ZSCAN32: variants seen among roughly 807,000 people sequenced by gnomAD.
ZSCAN32 encodes zinc finger and SCAN domain containing 32.
Under a neutral mutation model 47.4 loss-of-function variants are expected in ZSCAN32, and 52 were observed. The ratio of observed to expected loss-of-function variants is 1.10; its 90% CI spans 0.88 to 1.38. The LOEUF (loss-of-function observed/expected upper bound fraction) is 1.38. Ranked by LOEUF, ZSCAN32 falls within the 40% of genes most tolerant of loss-of-function variation. The pLI is 0.00. For synonymous variants in ZSCAN32, 346 were observed against 305.7 expected (o/e 1.13, Z -1.38); for missense variants, 959 against 846.0 (o/e 1.13, Z -1.66).
intron 3 of ZSCAN32, among the ~76,000 whole-genome samples, chr16:3,393,218 ATATATATATAAATT>A (rs2032984125): frequency 1.0e-4 from 2 of 19,150 alleles, no homozygotes; most frequent in African/African-American, 8.0e-4. Context: ...TTATATATAT[ATATATATATAAATT>A]TATATATTTT....
At position 3,383,032 on chromosome 16, in the gene ZSCAN32, A is replaced by G; in HGVS notation, c.1914T>C (p.Cys638=). 6.2e-7 allele frequency: 1 copy of G among 1,613,922 alleles called. No individual in the cohort carries two copies. Among genetic ancestry groups the G allele is most frequent in the Non-Finnish European group, 8.5e-7 (1 of 1,179,936 alleles). ...TGESPYKCAV[C]GKIFNNSSHF... ...GGGAGCTATTGTTGAAGATTTTCCC[A>G]CACACTGCACACTTGTATGGGCTCT... Residue 638 remains cysteine (C), a synonymous_variant, in exon 7 of 7, where the codon TGT becomes TGC. Transcript: ENST00000396852.
At chr16:3,390,819 A>G (rs1465612878) in intron 3 of ZSCAN32, among the ~76,000 whole-genome samples, 2 of 152,164 alleles carry the variant, frequency 1.3e-5, no homozygotes, top group Non-Finnish European at 2.9e-5. Flanking sequence ...TCCTCTTGGC[A>G]TAAGAGCTTT....
In ZSCAN32 at chr16:3,382,147, AGTT is replaced by A. The variant is rs1259972147; in HGVS notation, c.*702_*704del. 6.6e-6 allele frequency: 1 copy of A among 152,246 alleles called. No homozygotes were observed. The highest frequency in any genetic ancestry group is 2.4e-5 in the African/African-American group (1 of 41,460). The allele number at this position is 152,246 out of a possible 1,614,324, so 9.4% of individuals were successfully genotyped here. A position where few individuals can be genotyped will look rare whatever the true frequency, so the allele number is the denominator to read the frequency against. ...TAATGTTTATAAATTTGTTTATAGT[AGTT>A]TGTAAATTATTATCAGAAATAGTAA... On this transcript the variant is annotated 3_prime_UTR_variant, in exon 7 of 7. Transcript: ENST00000396852.
At position 3,384,821 on chromosome 16, in the gene ZSCAN32, G is replaced by C; in HGVS notation, c.872C>G (p.Ala291Gly). ...AAAACCCTGCTCCCAGAGTCCTTCC[G>C]CCATGGCCCTGTAGATCTGGCTGTT... Reference protein sequence around the residue: ...QQNSQIYRAMAEGLWEQGFLR... With the variant: ...QQNSQIYRAMGEGLWEQGFLR... Residue 291 changes from alanine (A) to glycine (G), a missense_variant, in exon 6 of 7, where the codon GCG (alanine) becomes GGG (glycine). Physicochemically the swap from Ala to Gly is moderately conservative, Grantham distance 60. Transcript: ENST00000396852. 6.2e-7 allele frequency: 1 copy of C among 1,614,130 alleles called. No homozygotes were observed. The highest frequency in any genetic ancestry group is 1.7e-4 in the Middle Eastern group (1 of 6,060).
rs1305086056 is a variant in ZSCAN32, at chr16:3,397,338, CTT to C, written c.218_219del (p.Lys73ArgfsTer40). On this transcript the variant is annotated frameshift_variant, in exon 2 of 7. Transcript: ENST00000396852. LOFTEE classifies it high-confidence loss of function. ...CQWLRPKTHS[K>X]EEILELLVLE... ...AAAACCAGCAGCTCCAGGATTTCCT[CTT>C]TTGAGTGGGTCTTCGGCCTCAGCCA... is the stretch of plus-strand genomic sequence containing the variant. The C allele has an allele frequency of 1.3e-6, 2 of 1,563,634 alleles. No homozygotes were observed. Among genetic ancestry groups the C allele is most frequent in the East Asian group, 2.4e-5 (1 of 42,274 alleles).
Position 3,384,780 on chromosome 16 carries a change from G to C in ZSCAN32, c.913C>G (p.Gln305Glu). The C allele has an allele frequency of 6.2e-7, 1 of 1,614,204 alleles. No individual in the cohort carries two copies. Among genetic ancestry groups the C allele is most frequent in the South Asian group, 1.1e-5 (1 of 91,086 alleles). Residue 305 changes from glutamine to glutamate, a missense_variant, in exon 6 of 7, where the codon CAG becomes GAG. Physicochemically the swap from Gln to Glu is conservative, Grantham distance 29. Transcript: ENST00000396852. ...WEQGFLRTPEQCRTKFKSLQL... is the reference protein window; with the variant it reads ...WEQGFLRTPEECRTKFKSLQL... ...AGGCTTTTGAACTTGGTGCGACACT[G>C]TTCTGGGGTCCGCAGAAAACCCTGC...
chr16:3,399,598 T>A (rs139892255), intron 1 of ZSCAN32, among the ~76,000 whole-genome samples: 2 of 152,230 alleles, frequency 1.3e-5, no homozygotes, highest in African/African-American at 4.8e-5. Context: ...AAATAACTTT[T>A]AAAAATAATT....
chr16:3,396,574 C>T (rs1372462367), intron 2 of ZSCAN32, among the ~76,000 whole-genome samples: 2 of 152,206 alleles, frequency 1.3e-5, no homozygotes, highest in Non-Finnish European at 2.9e-5. Context: ...TTTCAGTTGC[C>T]TTCCTCCTAC....
chr16:3,397,726 G>T lies in ZSCAN32; in HGVS notation c.-169C>A. 1 of 812,910 alleles carries T rather than the reference G, an allele frequency of 1.2e-6. No individual in the cohort carries two copies. The highest frequency in any genetic ancestry group is 1.8e-6 in the Non-Finnish European group (1 of 545,424). 50.4% of individuals were successfully genotyped at this position (812,910 alleles called of 1,614,324 possible). A position where few individuals can be genotyped will look rare whatever the true frequency, so the allele number is the denominator to read the frequency against. On this transcript the variant is annotated 5_prime_UTR_variant, in exon 2 of 7. Coordinates refer to ENST00000396852, the MANE Select transcript of ZSCAN32 (RefSeq NM_001284527.2). ...TAGAGACTCACAGCGGAAAAAAAGG[G>T]CTCAACTTTGAAGGATGTCTGAAGA...
chr16:3,397,820 CCCTTTCCT>C, intron 1 of ZSCAN32, 76 bp from the exon 2 acceptor site: 1 of 312,338 alleles, frequency 3.2e-6, no homozygotes, highest in South Asian at 8.0e-5. Flanking sequence ...TACTTCCTAT[CCCTTTCCT>C]TTACTCCCTC....
chr16:3,387,739 G>A (rs759013685), intron 5 of ZSCAN32, among the ~76,000 whole-genome samples: 3 of 152,332 alleles, frequency 2.0e-5, no homozygotes, highest in Admixed American at 2.0e-4. Flanking sequence ...AACAGCCAGA[G>A]GGAGTCCCCT....
intron 6 of ZSCAN32, chr16:3,384,247 CTTAG>C: frequency 1.6e-6 from 1 of 635,128 alleles, no homozygotes; most frequent in South Asian, 2.0e-5. Flanking sequence ...ATGACATGAA[CTTAG>C]TTGAAAGAGG....
At position 3,397,583 on chromosome 16, in the gene ZSCAN32, G is replaced by C. The variant is rs962620949; in HGVS notation, c.-26C>G. 1 of 1,495,018 alleles carries C rather than the reference G, an allele frequency of 6.7e-7. No individual in the cohort carries two copies. The highest frequency in any genetic ancestry group is 1.3e-5 in the South Asian group (1 of 75,710). 92.6% of individuals were successfully genotyped at this position (1,495,018 alleles called of 1,614,324 possible). Reference sequence around the variant, plus strand: ...TTGCTTCAACGAACTGGCTTACTCTGGTTGCCACTTCTACCCTGGAGATCA... The same window carrying C: ...TTGCTTCAACGAACTGGCTTACTCTCGTTGCCACTTCTACCCTGGAGATCA... On this transcript the variant is annotated 5_prime_UTR_variant, in exon 2 of 7. Transcript: ENST00000396852.
Position 3,390,525 on chromosome 16 carries a change from A to T in ZSCAN32, c.533-8T>A. The T allele has an allele frequency of 6.5e-7, 1 of 1,547,444 alleles. No individual in the cohort carries two copies. The highest frequency in any genetic ancestry group is 8.7e-7 in the Non-Finnish European group (1 of 1,146,080). Reference sequence around the variant, plus strand: ...CCTGAGGAGCAAGCCAGGCTGGGGGAAAAAACAGCCGCTATTAGAGGGCGG... The same window carrying T: ...CCTGAGGAGCAAGCCAGGCTGGGGGTAAAAACAGCCGCTATTAGAGGGCGG... On this transcript the variant is annotated splice_region_variant and splice_polypyrimidine_tract_variant and intron_variant, in intron 3 of 6. Coordinates refer to ENST00000396852, the MANE Select transcript of ZSCAN32 (RefSeq NM_001284527.2).
chr16:3,389,750 C>G (rs1452606487), intron 5 of ZSCAN32, among the ~76,000 whole-genome samples: 1 of 152,212 alleles, frequency 6.6e-6, no homozygotes, highest in East Asian at 1.9e-4. Context: ...CTTGTTCTGA[C>G]TCTGTCTCAC....
chr16:3,390,028 C>T lies in ZSCAN32; in HGVS notation c.733G>A (p.Asp245Asn), dbSNP rs748615093. 1.2e-5 allele frequency: 20 copies of T among 1,613,040 alleles called. 1 individual carries two copies. Among genetic ancestry groups the T allele is most frequent in the Admixed American group, 5.0e-5 (3 of 59,862 alleles). The change falls in exon 5 of 7, where the codon GAC becomes AAC. Residue 245 changes from aspartate (D) to asparagine (N), a missense_variant. Asp to Asn is a conservative substitution (Grantham distance 23). Transcript: ENST00000396852. ...TCCTTACCCAGCGAGACGTGACTGT[C>T]CTTCCTCTGGGTGGCACCCCTGTAG... Reference protein sequence around the residue: ...ALYRGATQRKDSHVSLATGVP... With the variant: ...ALYRGATQRKNSHVSLATGVP...
At chr16:3,393,182 T>A (rs369525689) in intron 3 of ZSCAN32, among the ~76,000 whole-genome samples, 1 of 68,754 alleles carries the variant, frequency 1.5e-5, no homozygotes, top group African/African-American at 8.4e-5. Context: ...ATATATATAT[T>A]TCTATATTTA....
At chr16:3,390,325 A>G in intron 4 of ZSCAN32, 98 bp downstream of exon 4, 1 of 1,370,150 alleles carries the variant, frequency 7.3e-7, no homozygotes, top group Non-Finnish European at 9.9e-7. Flanking sequence ...GAGAAGCCCC[A>G]TGGACCACAC....
chr16:3,386,492 G>A (rs919103023), intron 5 of ZSCAN32, among the ~76,000 whole-genome samples: 4 of 126,122 alleles, frequency 3.2e-5, no homozygotes, highest in Non-Finnish European at 5.0e-5. Context: ...ACATGCACAC[G>A]TATGTTTATT....
Sources: allele counts gnomAD v4.1 joint callset (sites outside exome capture counted in the v4.1 genomes callset), GRCh38; gene constraint gnomAD v4.1.1; transcripts MANE v1.5; gene names NCBI Gene and HGNC (gene_info 2026-07-23, HGNC 2026-07-21).